The following SLC2A13 variants were observed in gnomAD, a reference collection of about 807,000 sequenced individuals.
The protein encoded by SLC2A13 is solute carrier family 2 member 13.
SLC2A13 carries 32 observed loss-of-function variants against 64.4 expected under a neutral mutation model. That is an observed-to-expected ratio of 0.50 (90% CI 0.37 to 0.67). SLC2A13 has a LOEUF of 0.67. Ranked by LOEUF, SLC2A13 falls within the 30% of genes least tolerant of loss-of-function variation. The pLI is 0.00. For missense variants in SLC2A13, 743 were observed against 829.2 expected, an observed-to-expected ratio of 0.90 and a Z score of 1.28; for synonymous variants, 338 against 327.1, an observed-to-expected ratio of 1.03 and a Z score of -0.36.
intron 4 of SLC2A13, among the ~76,000 whole-genome samples, chr12:39,887,551 C>T (rs772182560): frequency 3.9e-5 from 6 of 152,156 alleles, no homozygotes; most frequent in Admixed American, 2.6e-4. Context: ...GTGTGTATCA[C>T]GGTGATGGTG....
chr12:39,893,385 C>T (rs1394087153), intron 4 of SLC2A13, among the ~76,000 whole-genome samples: 2 of 152,178 alleles, frequency 1.3e-5, no homozygotes, highest in African/African-American at 2.4e-5. Flanking sequence ...CTGCAACCTC[C>T]GCCTCCCAGG....
Position 39,797,327 on chromosome 12 carries a change from C to G in SLC2A13, c.1446-32469G>C, listed in dbSNP as rs373642388. On this transcript the variant is annotated intron_variant, in intron 7 of 9. Transcript: ENST00000280871. ...GCTAACATTTTCAGCATACACTGAACTTATTTTGGATTTCTGACTTGCATT... is the reference window on the plus strand; with the variant it reads ...GCTAACATTTTCAGCATACACTGAAGTTATTTTGGATTTCTGACTTGCATT... Among the ~76,000 whole-genome samples the G allele has an allele frequency of 7.9e-5, 12 of 152,270 alleles. No homozygotes were observed. The East Asian group carries it at 2.3e-3, about 29-fold the overall frequency.
chr12:40,099,391 G>C (rs1939072182), intron 1 of SLC2A13, among the ~76,000 whole-genome samples: 1 of 152,182 alleles, frequency 6.6e-6, no homozygotes, highest in African/African-American at 2.4e-5. Flanking sequence ...AAGAAAATTA[G>C]ACTCAGGTGA....
intron 7 of SLC2A13, among the ~76,000 whole-genome samples, chr12:39,817,800 T>A (rs147687129): frequency 2.9e-3 from 444 of 152,292 alleles, no homozygotes; most frequent in African/African-American, 0.01. Context: ...TTTGTCAGTA[T>A]ACCCGGGGCA....
intron 4 of SLC2A13, among the ~76,000 whole-genome samples, chr12:39,881,425 C>T (rs541155889): frequency 6.6e-5 from 10 of 152,086 alleles, no homozygotes; most frequent in East Asian, 5.8e-4. Context: ...CATTTCCTCA[C>T]GACTGTCTTT....
chr12:39,985,147 A>G (rs1357528366), intron 3 of SLC2A13, among the ~76,000 whole-genome samples: 1 of 152,182 alleles, frequency 6.6e-6, no homozygotes, highest in Admixed American at 6.5e-5. Flanking sequence ...AATGAAAAAC[A>G]AAGGGAAACC....
chr12:39,860,338 C>G (rs908855457), intron 6 of SLC2A13, among the ~76,000 whole-genome samples: 2 of 152,312 alleles, frequency 1.3e-5, no homozygotes, highest in Middle Eastern at 3.4e-3. Flanking sequence ...TGGAGAGATA[C>G]TGCCCAATTG....
intron 4 of SLC2A13, among the ~76,000 whole-genome samples, chr12:39,891,265 G>A (rs1418629955): frequency 9.3e-5 from 14 of 151,008 alleles, no homozygotes; most frequent in African/African-American, 2.4e-5. Context: ...CCATTCTATA[G>A]CATCTCTGCA....
intron 9 of SLC2A13, among the ~76,000 whole-genome samples, 200 bp from the exon 10 acceptor site, chr12:39,760,452 C>A (rs1940092868): frequency 6.6e-6 from 1 of 151,880 alleles, no homozygotes; most frequent in Admixed American, 6.6e-5. Flanking sequence ...TTTCTAAACT[C>A]AAGTTTAGAA....
At chr12:40,072,833 T>C (rs916026101) in intron 1 of SLC2A13, among the ~76,000 whole-genome samples, 3 of 152,148 alleles carry the variant, frequency 2.0e-5, no homozygotes, top group Admixed American at 2.0e-4. Context: ...TGCCTTTTAA[T>C]TGGTACATTT....
intron 6 of SLC2A13, among the ~76,000 whole-genome samples, chr12:39,849,658 C>A (rs1382359824): frequency 6.6e-6 from 1 of 152,150 alleles, no homozygotes; most frequent in South Asian, 2.1e-4. Context: ...CAATTTCTCT[C>A]TGACAGGATA....
Position 39,821,278 on chromosome 12 carries a change from C to T in SLC2A13, c.1445+8825G>A, listed in dbSNP as rs544747502. On this transcript the variant is annotated intron_variant, in intron 7 of 9. Transcript: ENST00000280871. ...TACAAAAATTAGCCGGGCGTGTTGG[C>T]GGGCGCCTGTAGTCCCAGCTACTCG... Among the ~76,000 whole-genome samples the T allele has an allele frequency of 3.9e-5, 6 of 151,972 alleles. No homozygotes were observed. In the South Asian group the frequency reaches 8.3e-4, roughly 21 times the overall value.
chr12:39,963,401 TAACATA>T (rs747388791), intron 3 of SLC2A13, among the ~76,000 whole-genome samples: 16 of 152,204 alleles, frequency 1.1e-4, no homozygotes, highest in Non-Finnish European at 2.2e-4. Flanking sequence ...ATAGATTCAT[TAACATA>T]AAGAATAAAT....
intron 6 of SLC2A13, among the ~76,000 whole-genome samples, chr12:39,842,899 A>G (rs915880441): frequency 1.3e-5 from 2 of 151,906 alleles, no homozygotes; most frequent in Non-Finnish European, 2.9e-5. Context: ...TCTTTCACCC[A>G]GCATGTTTTT....
At chr12:40,072,902 GT>G (rs1250795493) in intron 1 of SLC2A13, among the ~76,000 whole-genome samples, 19 of 151,808 alleles carry the variant, frequency 1.3e-4, no homozygotes, top group Admixed American at 1.2e-3. Flanking sequence ...CATATTTATT[GT>G]TTTCATTTAT....
intron 1 of SLC2A13, among the ~76,000 whole-genome samples, chr12:40,064,628 T>TA (rs1937653628): frequency 6.6e-6 from 1 of 152,142 alleles, no homozygotes; most frequent in African/African-American, 2.4e-5. Flanking sequence ...ACAGGCAAGC[T>TA]ACATCTCATA....
intron 6 of SLC2A13, among the ~76,000 whole-genome samples, chr12:39,831,541 A>T (rs2135851074): frequency 6.6e-6 from 1 of 152,282 alleles, no homozygotes; most frequent in African/African-American, 2.4e-5. Context: ...TTTTTGATTC[A>T]TGTAACTAAA....
chr12:39,823,128 A>T (rs1482735687), intron 7 of SLC2A13, among the ~76,000 whole-genome samples: 2 of 152,240 alleles, frequency 1.3e-5, no homozygotes, highest in Non-Finnish European at 2.9e-5. Context: ...ACAGATACTA[A>T]AGAGAATAAT....
intron 3 of SLC2A13, among the ~76,000 whole-genome samples, chr12:39,984,864 C>T (rs1946999738): frequency 1.3e-5 from 2 of 152,080 alleles, no homozygotes. Flanking sequence ...TGCTCATTAA[C>T]TGGTAGAGAT....
Sources: allele counts gnomAD v4.1 joint callset (sites outside exome capture counted in the v4.1 genomes callset), GRCh38; gene constraint gnomAD v4.1.1; transcripts MANE v1.5; gene names NCBI Gene and HGNC (gene_info 2026-07-23, HGNC 2026-07-21).